The following LRRC7 variants were observed in gnomAD, a reference collection of about 807,000 sequenced individuals.
LRRC7 encodes leucine rich repeat containing 7, also known as leucine-rich repeat-containing protein 7.
In LRRC7, 23 loss-of-function variants were observed where a neutral mutation model predicts 175.7. That is an observed-to-expected ratio of 0.13 (90% CI 0.09 to 0.19). LRRC7 has a LOEUF of 0.19. Ranked by LOEUF, LRRC7 falls within the 10% of genes least tolerant of loss-of-function variation. The pLI is 1.00. For synonymous variants in LRRC7, 685 were observed against 680.9 expected, an observed-to-expected ratio of 1.01 and a Z score of -0.09; for missense variants, 1,354 against 1,904.7, an observed-to-expected ratio of 0.71 and a Z score of 5.38.
intron 7 of LRRC7, chr1:69,879,581 T>G (rs1468390997): frequency 6.6e-6 from 1 of 152,418 alleles, no homozygotes; most frequent in Non-Finnish European, 1.5e-5. Context: ...TTGGAAATAC[T>G]GCAGAACATC....
intron 1 of LRRC7, among the ~76,000 whole-genome samples, chr1:69,592,481 C>T (rs1436475425): frequency 6.6e-6 from 1 of 151,888 alleles, no homozygotes; most frequent in African/African-American, 2.4e-5. Context: ...AGCTTTAAGT[C>T]GTTACATTAA....
intron 2 of LRRC7, among the ~76,000 whole-genome samples, chr1:69,687,931 T>C (rs17131016): frequency 0.019 from 2,852 of 152,330 alleles, 61 homozygotes; most frequent in African/African-American, 0.055. Context: ...AAGGATGGTT[T>C]TATAACCTGC....
intron 3 of LRRC7, among the ~76,000 whole-genome samples, chr1:69,786,363 C>T (rs1674415933): frequency 6.6e-6 from 1 of 151,492 alleles, no homozygotes; most frequent in African/African-American, 2.4e-5. Context: ...TTTCTTCCTT[C>T]TTCCTTTCCT....
At chr1:70,115,980 T>C (rs943250856) in intron 26 of LRRC7, among the ~76,000 whole-genome samples, 6 of 152,358 alleles carry the variant, frequency 3.9e-5, no homozygotes, top group South Asian at 4.1e-4. Flanking sequence ...GTAAAAGGAA[T>C]GTGGCTTGTT....
At chr1:70,052,003 C>T (rs930294082) in intron 22 of LRRC7, among the ~76,000 whole-genome samples, 7 of 151,972 alleles carry the variant, frequency 4.6e-5, no homozygotes, top group Non-Finnish European at 7.4e-5. Context: ...ATTCCTTACA[C>T]AAAATATAGC....
At chr1:69,625,935 T>A (rs976886372) in intron 1 of LRRC7, among the ~76,000 whole-genome samples, 1 of 152,224 alleles carries the variant, frequency 6.6e-6, no homozygotes, top group Non-Finnish European at 1.5e-5. Flanking sequence ...TCTATAGATG[T>A]AAATAAGATA....
chr1:70,073,131 A>G (rs986856097), intron 23 of LRRC7, among the ~76,000 whole-genome samples: 1 of 152,176 alleles, frequency 6.6e-6, no homozygotes, highest in African/African-American at 2.4e-5. Flanking sequence ...CTTTAACACT[A>G]TTGTGAAGTT....
intron 11 of LRRC7, among the ~76,000 whole-genome samples, chr1:70,001,909 T>C (rs1476957714): frequency 6.6e-6 from 1 of 152,192 alleles, no homozygotes; most frequent in Non-Finnish European, 1.5e-5. Flanking sequence ...TTATTTGATA[T>C]GTATTATGTC....
chr1:69,682,620 A>G (rs1490965678), intron 2 of LRRC7, among the ~76,000 whole-genome samples: 3 of 152,138 alleles, frequency 2.0e-5, no homozygotes, highest in African/African-American at 4.8e-5. Flanking sequence ...GAGGTAATCT[A>G]TGACAAGGAA....
intron 23 of LRRC7, among the ~76,000 whole-genome samples, chr1:70,060,829 G>A (rs1270046851): frequency 6.6e-6 from 1 of 152,200 alleles, no homozygotes; most frequent in African/African-American, 2.4e-5. Context: ...TGTCAATGCT[G>A]TAACTAAATT....
chr1:70,062,431 AT>A (rs796418937), intron 23 of LRRC7, among the ~76,000 whole-genome samples: 1 of 152,172 alleles, frequency 6.6e-6, no homozygotes, highest in South Asian at 2.1e-4. Flanking sequence ...TTATCATATT[AT>A]TTTTTTCCAG....
chr1:69,992,283 A>G (rs1278877665), intron 10 of LRRC7, among the ~76,000 whole-genome samples: 1 of 152,152 alleles, frequency 6.6e-6, no homozygotes, highest in Non-Finnish European at 1.5e-5. Context: ...TTAATGTTTA[A>G]TGTATTAATG....
At chr1:69,933,538 G>A (rs1043179555) in intron 8 of LRRC7, among the ~76,000 whole-genome samples, 2 of 152,094 alleles carry the variant, frequency 1.3e-5, no homozygotes, top group South Asian at 2.1e-4. Context: ...GTACCTTTGG[G>A]TCTATAGCTC....
chr1:69,863,014 T>G (rs1183633479), intron 7 of LRRC7, among the ~76,000 whole-genome samples: 1 of 152,238 alleles, frequency 6.6e-6, no homozygotes, highest in African/African-American at 2.4e-5. Context: ...ATTCATCATT[T>G]ACATCACTAT....
At chr1:70,009,972 A>G (rs1656351030) in intron 11 of LRRC7, among the ~76,000 whole-genome samples, 2 of 152,162 alleles carry the variant, frequency 1.3e-5, no homozygotes, top group South Asian at 4.1e-4. Flanking sequence ...CTTAGTGAGT[A>G]TAATCATCAT....
rs1667183432 is a variant in LRRC7, at chr1:70,143,754, C to G, written c.*21867C>G. On this transcript the variant is annotated 3_prime_UTR_variant, in exon 27 of 27. Coordinates refer to ENST00000651989, the MANE Select transcript of LRRC7 (RefSeq NM_001370785.2). The stretch of plus-strand genomic sequence containing the variant: ...AATTTTACCATTTTATAAAAAAAAT[C>G]AAATCACAACATGTTTAACTGAAAT... The G allele has an allele frequency of 6.6e-6, 1 of 151,958 alleles. No individual in the cohort carries two copies. Among genetic ancestry groups the G allele is most frequent in the African/African-American group, 2.4e-5 (1 of 41,390 alleles). The allele number at this position is 151,958 out of a possible 1,614,324, so 9.4% of individuals were successfully genotyped here.
chr1:70,036,220 A>G lies in LRRC7; in HGVS notation c.2095A>G (p.Lys699Glu). 6 of 1,611,854 alleles carry G rather than the reference A, an allele frequency of 3.7e-6. No homozygotes were observed. Among genetic ancestry groups the G allele is most frequent in the Non-Finnish European group, 5.1e-6 (6 of 1,178,944 alleles). The change falls in exon 19 of 27, where the codon AAG (lysine) becomes GAG (glutamate). Residue 699 changes from lysine (K) to glutamate (E), a missense_variant. Around this residue, in one of 4 missense-constraint regions of LRRC7, gnomAD observed 1,032 missense variants for 1,227.2 expected, o/e 0.84. Coordinates refer to ENST00000651989, the MANE Select transcript of LRRC7 (RefSeq NM_001370785.2). ...CCCACCCAAACTTGTTCTGCTAGGG[A>G]AGGACAAAAAAGGTAACACTGTGAA... ...LYPPKLVLLG[K>E]DKKESTDESE...
At chr1:69,879,059 T>TA (rs1292051642) in intron 7 of LRRC7, among the ~76,000 whole-genome samples, 1 of 150,424 alleles carries the variant, frequency 6.6e-6, no homozygotes, top group Non-Finnish European at 1.5e-5. Context: ...TTTGGGTGAC[T>TA]ATAATGTGTA....
intron 2 of LRRC7, among the ~76,000 whole-genome samples, chr1:69,736,942 T>G (rs1668179812): frequency 6.6e-6 from 1 of 152,086 alleles, no homozygotes; most frequent in Non-Finnish European, 1.5e-5. Flanking sequence ...TAGAAAGGAG[T>G]TAAAGGTGAC....
Sources: gnomAD v4.1 joint callset for allele counts (sites outside exome capture counted in the v4.1 genomes callset) on GRCh38, gnomAD v4.1.1 for gene constraint, gnomAD v4.1.1 regional missense constraint, MANE v1.5 for transcripts, NCBI Gene and HGNC (gene_info 2026-07-23, HGNC 2026-07-21) for gene names.